PARD3B: variants seen among roughly 807,000 people sequenced by gnomAD.
PARD3B encodes partitioning defective 3 homolog B.
PARD3B carries 103 observed loss-of-function variants against 130.2 expected under a neutral mutation model. The ratio of observed to expected loss-of-function variants is 0.79; its 90% CI spans 0.67 to 0.93. The LOEUF is 0.93. PARD3B is among the 40% of genes least tolerant of loss of function. The pLI, the probability that PARD3B is intolerant of heterozygous loss-of-function variation, is 0.00. For missense variants in PARD3B, 1,609 were observed against 1,499.2 expected (o/e 1.07, Z -1.21); for synonymous variants, 583 against 553.2 (o/e 1.05, Z -0.76).
intron 21 of PARD3B, among the ~76,000 whole-genome samples, chr2:205,501,117 C>T (rs1229920866): frequency 1.3e-5 from 2 of 152,146 alleles, no homozygotes; most frequent in Admixed American, 6.6e-5. Flanking sequence ...GCCTGTCATG[C>T]GTTCATCTCT....
Position 205,446,804 on chromosome 2 carries a change from G to A in PARD3B, c.3044+6132G>A, listed in dbSNP as rs1454397272. On this transcript the variant is annotated intron_variant, in intron 20 of 22. Coordinates refer to ENST00000406610, the MANE Select transcript of PARD3B (RefSeq NM_001302769.2). This position sits in a 1 kb window ranked among gnomAD's most constrained non-coding sequence, Gnocchi z 4.4. ...CCCTCAAAGCCTGACAATTACTCAG[G>A]TTTACAATGTGTTAGTTTTCCACCG... 6.6e-6 allele frequency among the ~76,000 whole-genome samples: 1 copy of A among 152,168 alleles called. No homozygotes were observed. The highest frequency in any genetic ancestry group is 1.5e-5 in the Non-Finnish European group (1 of 68,036).
At chr2:205,080,676 A>G (rs1284274027) in intron 4 of PARD3B, among the ~76,000 whole-genome samples, 1 of 152,150 alleles carries the variant, frequency 6.6e-6, no homozygotes, top group East Asian at 1.9e-4. Flanking sequence ...CTAAGTCTGT[A>G]CACTGTGAGT....
chr2:205,549,629 G>A (rs917087211), intron 21 of PARD3B, among the ~76,000 whole-genome samples: 3 of 152,168 alleles, frequency 2.0e-5, no homozygotes, highest in African/African-American at 7.2e-5. Context: ...GGACCTGGGG[G>A]AAGGAGTGAT....
intron 2 of PARD3B, among the ~76,000 whole-genome samples, chr2:204,772,435 A>G (rs188906537): frequency 4.9e-4 from 74 of 152,210 alleles, no homozygotes; most frequent in African/African-American, 1.6e-3. Flanking sequence ...ATCCCAATAC[A>G]TTAGGATCCT....
At chr2:204,621,882 A>G (rs190800685) in intron 1 of PARD3B, among the ~76,000 whole-genome samples, 290 of 152,314 alleles carry the variant, frequency 1.9e-3, no homozygotes, top group African/African-American at 6.7e-3. Context: ...GTGGCTATCA[A>G]TTACTTTCCT....
chr2:205,357,400 G>A (rs1478334604), intron 18 of PARD3B, among the ~76,000 whole-genome samples: 1 of 152,132 alleles, frequency 6.6e-6, no homozygotes, highest in Non-Finnish European at 1.5e-5. Context: ...AATAATTTCT[G>A]TCTGGCTTAG....
intron 4 of PARD3B, among the ~76,000 whole-genome samples, chr2:205,049,172 C>A (rs551926701): frequency 6.6e-6 from 1 of 152,220 alleles, no homozygotes; most frequent in Non-Finnish European, 1.5e-5. Flanking sequence ...CCTGTATTTG[C>A]CCATTTTCAC....
chr2:204,611,245 T>C (rs1486856968), intron 1 of PARD3B, among the ~76,000 whole-genome samples: 2 of 152,212 alleles, frequency 1.3e-5, no homozygotes, highest in African/African-American at 2.4e-5. Flanking sequence ...TCATTCCGAA[T>C]GTGCTACAGA....
intron 2 of PARD3B, among the ~76,000 whole-genome samples, chr2:204,731,214 A>G (rs1414595406): frequency 6.6e-6 from 1 of 152,192 alleles, no homozygotes; most frequent in Non-Finnish European, 1.5e-5. Context: ...CACTGAAGCA[A>G]TGAATGGTTG....
intron 18 of PARD3B, among the ~76,000 whole-genome samples, chr2:205,375,571 G>A (rs1256483088): frequency 6.6e-6 from 1 of 152,142 alleles, no homozygotes; most frequent in African/African-American, 2.4e-5. Context: ...AGAGATTTGT[G>A]GCAAGACATT....
At chr2:205,124,499 A>G in intron 9 of PARD3B, 33 bp downstream of exon 9, 1 of 1,496,176 alleles carries the variant, frequency 6.7e-7, no homozygotes, top group Non-Finnish European at 9.0e-7. Context: ...GTATGAAAAT[A>G]TTTCTTGGCA....
At chr2:205,571,965 C>G (rs749259360) in intron 22 of PARD3B, among the ~76,000 whole-genome samples, 1 of 152,214 alleles carries the variant, frequency 6.6e-6, no homozygotes, top group Non-Finnish European at 1.5e-5. Flanking sequence ...AGAAACTAAA[C>G]ACATGATTTG....
chr2:205,604,193 G>C (rs1028962887), intron 22 of PARD3B, among the ~76,000 whole-genome samples: 3 of 152,126 alleles, frequency 2.0e-5, no homozygotes, highest in Admixed American at 6.5e-5. Context: ...CCTCTGGCTT[G>C]TAGGGTGTAT....
intron 10 of PARD3B, among the ~76,000 whole-genome samples, chr2:205,156,121 A>G (rs1380408425): frequency 2.0e-5 from 3 of 152,026 alleles, no homozygotes; most frequent in Non-Finnish European, 2.9e-5. Context: ...AGGGACATGG[A>G]TGAAATTGGA....
chr2:204,977,761 G>A (rs544551879), intron 3 of PARD3B, among the ~76,000 whole-genome samples: 64 of 138,974 alleles, frequency 4.6e-4, no homozygotes, highest in African/African-American at 1.6e-3. Flanking sequence ...GCAGTGAGCC[G>A]AGATGGCGCC....
At chr2:205,580,883 T>C (rs968810358) in intron 22 of PARD3B, among the ~76,000 whole-genome samples, 7 of 152,178 alleles carry the variant, frequency 4.6e-5, no homozygotes, top group Non-Finnish European at 7.4e-5. Context: ...TCTTTAGAAC[T>C]ATCATGAGAA....
chr2:205,145,227 A>AT (rs2033264405), intron 10 of PARD3B, among the ~76,000 whole-genome samples: 1 of 152,070 alleles, frequency 6.6e-6, no homozygotes, highest in African/African-American at 2.4e-5. Flanking sequence ...TTAAGATTAT[A>AT]TTTTTTAACT....
In PARD3B at chr2:204,998,440, G is replaced by GTATATATATGTGTATATTATATA. The variant is rs1559341877; in HGVS notation, c.394+33118_394+33119insATATATATGTGTATATTATATAT. On this transcript the variant is annotated intron_variant, in intron 3 of 22. Transcript: ENST00000406610. ...TGTATATATGTGTATATATATGTGT[G>GTATATATATGTGTATATTATATA]TGTATATATATGTGTATATTATATA... 6.6e-3 allele frequency among the ~76,000 whole-genome samples: 115 copies of GTATATATATGTGTATATTATATA among 17,380 alleles called. 1 individual carries two copies. The highest frequency in any genetic ancestry group is 0.014 in the Non-Finnish European group (97 of 6,846). The allele number at this position is 17,380 out of a possible 152,430, so 11.4% of individuals were successfully genotyped here.
In PARD3B at chr2:204,943,978, C is replaced by A. The variant is rs1689113492; in HGVS notation, c.223-21174C>A. On this transcript the variant is annotated intron_variant, in intron 2 of 22. Transcript: ENST00000406610. This position sits in a 1 kb window ranked among gnomAD's most constrained non-coding sequence, Gnocchi z 4.2. ...GACTAAACATTCAAAATTACATCAC[C>A]TCAGGGAAACTAAGTTAAGAACAAC... Among the ~76,000 whole-genome samples, 1 of 152,068 alleles carries A rather than the reference C, an allele frequency of 6.6e-6. No homozygotes were observed. The highest frequency in any genetic ancestry group is 6.6e-5 in the Admixed American group (1 of 15,248).
Sources: allele counts gnomAD v4.1 joint callset (sites outside exome capture counted in the v4.1 genomes callset), GRCh38; gene constraint gnomAD v4.1.1; non-coding constraint Gnocchi (gnomAD v3.1); transcripts MANE v1.5; gene names NCBI Gene and HGNC (gene_info 2026-07-23, HGNC 2026-07-21).